MTUS2: variants seen among roughly 807,000 people sequenced by gnomAD.
MTUS2 encodes the protein microtubule-associated tumor suppressor candidate 2.
A neutral mutation model predicts 114.1 loss-of-function variants in MTUS2; 40 were observed. The observed-to-expected ratio is 0.35, with a 90% CI of 0.27 to 0.46. The LOEUF (loss-of-function observed/expected upper bound fraction) is 0.46. Ranked by LOEUF, MTUS2 falls within the 20% of genes least tolerant of loss-of-function variation. The pLI, the probability that MTUS2 is intolerant of heterozygous loss-of-function variation, is 1.00. For synonymous variants in MTUS2, 688 were observed against 672.0 expected (o/e 1.02, Z -0.37); for missense variants, 1,679 against 1,705.4 (o/e 0.98, Z 0.27).
intron 3 of MTUS2, among the ~76,000 whole-genome samples, chr13:29,029,303 C>T (rs1173410418): frequency 6.6e-6 from 1 of 152,190 alleles, no homozygotes; most frequent in Non-Finnish European, 1.5e-5. Context: ...TTATAAGTGG[C>T]TTCTTACTCT....
intron 5 of MTUS2, among the ~76,000 whole-genome samples, chr13:29,274,091 TTTG>T (rs1447578366): frequency 2.6e-5 from 4 of 151,600 alleles, no homozygotes; most frequent in Non-Finnish European, 5.9e-5. Flanking sequence ...TTTTGTTCTG[TTTG>T]TTTTTTGTTT....
intron 7 of MTUS2, among the ~76,000 whole-genome samples, chr13:29,326,612 A>G (rs545457169): frequency 2.0e-5 from 3 of 152,262 alleles, no homozygotes; most frequent in African/African-American, 7.2e-5. Flanking sequence ...AAAGAATACA[A>G]TAAGATATTA....
At chr13:29,155,621 T>G (rs1188413635) in intron 5 of MTUS2, among the ~76,000 whole-genome samples, 1 of 152,152 alleles carries the variant, frequency 6.6e-6, no homozygotes, top group Non-Finnish European at 1.5e-5. Context: ...AATTATAATA[T>G]CCATAGAAGA....
intron 2 of MTUS2, among the ~76,000 whole-genome samples, chr13:28,945,899 A>G (rs773640804): frequency 1.3e-5 from 2 of 152,186 alleles, no homozygotes; most frequent in Admixed American, 1.3e-4. Flanking sequence ...GCCTAAGGCA[A>G]TGTCCAGAAG....
At chr13:29,153,029 C>T (rs1423264585) in intron 5 of MTUS2, among the ~76,000 whole-genome samples, 1 of 152,164 alleles carries the variant, frequency 6.6e-6, no homozygotes, top group African/African-American at 2.4e-5. Context: ...GATCCTGTGA[C>T]CCTGGAGAAA....
rs377663553 is a variant in MTUS2, at chr13:29,009,139, CTCTT to C, written c.-242-15314_-242-15311del. On this transcript the variant is annotated intron_variant, in intron 2 of 15. Transcript: ENST00000612955. ...CTATAAGAACCTATTTATTCCCTGT[CTCTT>C]TCTATAGCACCCTATACTTGTTTTA... Among the ~76,000 whole-genome samples the C allele has an allele frequency of 8.7e-3, 1,324 of 151,952 alleles. 18 individuals are homozygous for C. The highest frequency in any genetic ancestry group is 0.031 in the African/African-American group (1,266 of 41,478).
chr13:29,179,402 A>G (rs1434804784), intron 5 of MTUS2, among the ~76,000 whole-genome samples: 1 of 152,230 alleles, frequency 6.6e-6, no homozygotes, highest in African/African-American at 2.4e-5. Context: ...TAGGAGATCA[A>G]TTTCTTGCCT....
chr13:29,121,779 T>A (rs1357740675), intron 5 of MTUS2, among the ~76,000 whole-genome samples: 1 of 151,982 alleles, frequency 6.6e-6, no homozygotes, highest in African/African-American at 2.4e-5. Flanking sequence ...GCCTCAGCCT[T>A]CCGAGTAGGT....
chr13:28,927,377 A>G (rs9551568), intron 2 of MTUS2, among the ~76,000 whole-genome samples: 12,734 of 152,112 alleles, frequency 0.084, 592 homozygotes, highest in South Asian at 0.13. Flanking sequence ...CCTGGGCAAC[A>G]TAGCAGGACC....
chr13:29,002,988 C>T (rs975564451), intron 2 of MTUS2, among the ~76,000 whole-genome samples: 11 of 152,112 alleles, frequency 7.2e-5, no homozygotes, highest in East Asian at 1.9e-4. Context: ...ACTCCAATTG[C>T]GCACCAACCC....
chr13:28,900,179 C>T (rs924502379), intron 2 of MTUS2, among the ~76,000 whole-genome samples: 26 of 152,192 alleles, frequency 1.7e-4, no homozygotes, highest in African/African-American at 5.5e-4. Flanking sequence ...TGAGCCATTG[C>T]GTGCAGCCCC....
intron 5 of MTUS2, among the ~76,000 whole-genome samples, chr13:29,237,517 G>C (rs1896577536): frequency 6.6e-6 from 1 of 152,190 alleles, no homozygotes. Context: ...CCTGATTTTT[G>C]GTGGGTAAGT....
At chr13:29,090,475 T>G (rs1889892436) in intron 4 of MTUS2, among the ~76,000 whole-genome samples, 2 of 151,866 alleles carry the variant, frequency 1.3e-5, no homozygotes, top group Admixed American at 6.6e-5. Context: ...CCCACACCAG[T>G]GGAGTGACTG....
chr13:29,308,319 T>G (rs777449972), intron 6 of MTUS2, among the ~76,000 whole-genome samples: 1 of 152,192 alleles, frequency 6.6e-6, no homozygotes, highest in Non-Finnish European at 1.5e-5. Context: ...GATTCCCTAT[T>G]TAATAAATGG....
intron 2 of MTUS2, among the ~76,000 whole-genome samples, chr13:28,901,076 A>G (rs1283393714): frequency 6.6e-6 from 1 of 152,094 alleles, no homozygotes; most frequent in East Asian, 1.9e-4. Flanking sequence ...TGCCATTTTG[A>G]TAAATGGTAT....
intron 8 of MTUS2, among the ~76,000 whole-genome samples, chr13:29,394,454 T>C (rs1021506342): frequency 2.0e-5 from 3 of 152,196 alleles, no homozygotes; most frequent in African/African-American, 7.2e-5. Flanking sequence ...TAGAAAGTAA[T>C]GTCTGGGTTA....
intron 5 of MTUS2, among the ~76,000 whole-genome samples, chr13:29,209,493 T>A (rs1393028945): frequency 1.3e-5 from 2 of 150,356 alleles, no homozygotes; most frequent in Admixed American, 6.6e-5. Flanking sequence ...ACCTTGTTGT[T>A]TTTTTTTTTC....
In MTUS2 at chr13:29,480,348, G is replaced by A. The variant is rs1360708182; in HGVS notation, c.3383G>A (p.Cys1128Tyr). Reference sequence around the variant, plus strand: ...GGTGACCAGCTGCTGAGCATCCGGTGTCAACACCAGGAGCAGGTCAGTCTG... The same window carrying A: ...GGTGACCAGCTGCTGAGCATCCGGTATCAACACCAGGAGCAGGTCAGTCTG... ...EHGDQLLSIRCQHQEQVEDLT... is the reference protein window; with the variant it reads ...EHGDQLLSIRYQHQEQVEDLT... The change falls in exon 10 of 16, where the codon TGT (cysteine) becomes TAT (tyrosine). Residue 1128 changes from cysteine (C) to tyrosine (Y), a missense_variant. Physicochemically the swap from Cys to Tyr is radical, Grantham distance 194 (BLOSUM62 -2). Around this residue, in one of 3 missense-constraint regions of MTUS2, gnomAD observed 822 missense variants for 899.7 expected, o/e 0.91. Transcript: ENST00000612955. This position sits in a 1 kb window ranked among gnomAD's most constrained non-coding sequence, Gnocchi z 4.4. The A allele has an allele frequency of 1.3e-6, 2 of 1,538,806 alleles. No homozygotes were observed. Among genetic ancestry groups the A allele is most frequent in the Non-Finnish European group, 1.8e-6 (2 of 1,140,332 alleles).
chr13:28,956,538 G>T (rs1191358340), intron 2 of MTUS2, among the ~76,000 whole-genome samples: 7 of 152,188 alleles, frequency 4.6e-5, no homozygotes, highest in African/African-American at 1.7e-4. Context: ...TAGAATTGGA[G>T]ATATGAGAGG....
Sources: allele counts gnomAD v4.1 joint callset (sites outside exome capture counted in the v4.1 genomes callset), GRCh38; gene constraint gnomAD v4.1.1; regional missense constraint gnomAD v4.1.1; non-coding constraint Gnocchi (gnomAD v3.1); transcripts MANE v1.5; gene names NCBI Gene and HGNC (gene_info 2026-07-23, HGNC 2026-07-21).